The following LRRC53 variants were observed in gnomAD, a reference collection of about 807,000 sequenced individuals.
LRRC53 encodes leucine rich repeat containing 53.
Under a neutral mutation model 13.6 loss-of-function variants are expected in LRRC53, and 25 were observed. The ratio of observed to expected loss-of-function variants is 1.83; its 90% confidence interval spans 1.34 to 2.56. The LOEUF (loss-of-function observed/expected upper bound fraction) is 2.56, where lower values mean the gene tolerates loss of function less well. LRRC53 is among the 30% of genes most tolerant of loss of function. LRRC53 has a pLI of 0.00. For synonymous variants in LRRC53, 204 were observed against 109.8 expected, an observed-to-expected ratio of 1.86 and a Z score of -5.37; for missense variants, 527 against 275.8, an observed-to-expected ratio of 1.91 and a Z score of -6.45.
intron 1 of LRRC53, among the ~76,000 whole-genome samples, chr1:74,487,393 C>G (rs1428969616): frequency 1.3e-5 from 2 of 152,054 alleles, no homozygotes; most frequent in African/African-American, 2.4e-5. Context: ...AAATAGCCAT[C>G]CGAAGTGTGA....
chr1:74,489,349 AG>A (rs1668929106), intron 1 of LRRC53: 3 of 1,213,976 alleles, frequency 2.5e-6, no homozygotes, highest in Admixed American at 4.7e-5. Context: ...AGTTACTGTG[AG>A]GACCCATAAC....
chr1:74,517,184 G>T (rs1370209590), upstream of LRRC53, among the ~76,000 whole-genome samples: 1 of 151,940 alleles, frequency 6.6e-6, no homozygotes, highest in African/African-American at 2.4e-5. Flanking sequence ...TCTTGTAGGG[G>T]TAACTCTTTA....
chr1:74,514,617 A>G (rs1646321721), upstream of LRRC53, among the ~76,000 whole-genome samples: 1 of 152,178 alleles, frequency 6.6e-6, no homozygotes. Context: ...TGGTCAAAAC[A>G]GGAAACATCT....
chr1:74,494,588 G>T (rs150376986), intron 1 of LRRC53, among the ~76,000 whole-genome samples: 2 of 152,066 alleles, frequency 1.3e-5, no homozygotes, highest in Non-Finnish European at 2.9e-5. Flanking sequence ...GTCTTTTAAA[G>T]CTATTTCTCT....
intron 1 of LRRC53, among the ~76,000 whole-genome samples, chr1:74,509,163 A>C (rs1670055480): frequency 6.6e-6 from 1 of 152,116 alleles, no homozygotes; most frequent in African/African-American, 2.4e-5. Flanking sequence ...TTTACCCATA[A>C]ATTTCTCACA....
chr1:74,480,587 T>A lies in LRRC53; in HGVS notation c.470A>T (p.His157Leu). 2 of 717,284 alleles carry A rather than the reference T, an allele frequency of 2.8e-6. No individual in the cohort carries two copies. Among genetic ancestry groups the A allele is most frequent in the Non-Finnish European group, 5.2e-6 (2 of 385,080 alleles). 44.4% of individuals were successfully genotyped at this position (717,284 alleles called of 1,614,324 possible). Residue 157 changes from histidine (H) to leucine (L), a missense_variant, in exon 3 of 5, where the codon CAC (histidine) becomes CTC (leucine). Physicochemically the swap from His to Leu is moderately conservative, Grantham distance 99 (BLOSUM62 -3). Coordinates refer to ENST00000294635, the MANE Select transcript of LRRC53 (RefSeq NM_001382280.1). The part of the protein sequence containing the change: ...TDSSFGGTNL[H>L]SLRYLDLSNN... ...GGATAAATCCAGATACCTGAGACTG[T>A]GGAGATTCGTGCCTCCGAAAGAACT...
intron 1 of LRRC53, among the ~76,000 whole-genome samples, chr1:74,486,944 C>T (rs184084437): frequency 6.6e-6 from 1 of 152,000 alleles, no homozygotes; most frequent in Admixed American, 6.6e-5. Context: ...GCAATGAGAT[C>T]TTTGTAACCT....
upstream of LRRC53, among the ~76,000 whole-genome samples, chr1:74,516,401 A>C (rs1019042626): frequency 6.6e-6 from 1 of 152,232 alleles, no homozygotes; most frequent in Non-Finnish European, 1.5e-5. Context: ...AGAATAGTTG[A>C]GTCAGGAAGG....
Position 74,471,570 on chromosome 1 carries a change from C to G in LRRC53, c.2052G>C (p.Glu684Asp), listed in dbSNP as rs2100737934. 1 of 400,578 alleles carries G rather than the reference C, an allele frequency of 2.5e-6. No individual in the cohort carries two copies. Among genetic ancestry groups the G allele is most frequent in the East Asian group, 3.6e-5 (1 of 28,078 alleles). The allele number at this position is 400,578 out of a possible 1,614,324, so 24.8% of individuals were successfully genotyped here. A position where few individuals can be genotyped will look rare whatever the true frequency, so the allele number is the denominator to read the frequency against. The change falls in exon 5 of 5, where the codon GAG (glutamate) becomes GAC (aspartate). Residue 684 changes from glutamate (E) to aspartate (D), a missense_variant. Glu to Asp is a conservative substitution (Grantham distance 45). Coordinates refer to ENST00000294635, the MANE Select transcript of LRRC53 (RefSeq NM_001382280.1). ...LDVKKFSNTG[E>D]RNKGEKWFTN... ...TAAACCATTTTTCTCCTTTGTTTCT[C>G]TCCCCAGTGTTGCTAAATTTTTTAA...
rs1350480058 is a variant in LRRC53 at position 74,475,480 on chromosome 1, G to T, written c.1235C>A (p.Thr412Asn). 6 of 716,910 alleles carry T rather than the reference G, an allele frequency of 8.4e-6. No homozygotes were observed. 44.4% of individuals were successfully genotyped at this position (716,910 alleles called of 1,614,324 possible). A position where few individuals can be genotyped will look rare whatever the true frequency, so the allele number is the denominator to read the frequency against. ...LKKKDRGVGS[T>N]LFCQDGRLLH... is the part of the protein sequence containing the mutation. ...CAATCTACCATCCTGGCAAAATAAA[G>T]TGCTGCCTACCCCACGGTCTTTCTT... The change falls in exon 4 of 5, where the codon ACT becomes AAT. Residue 412 changes from threonine to asparagine, a missense_variant. Physicochemically the swap from Thr to Asn is moderately conservative, Grantham distance 65. Transcript: ENST00000294635.
chr1:74,511,195 A>T (rs1377237254), intron 1 of LRRC53, among the ~76,000 whole-genome samples: 5 of 144,334 alleles, frequency 3.5e-5, no homozygotes, highest in Middle Eastern at 3.7e-3. Context: ...TGCCCGGCCT[A>T]TTTTTTTTTT....
chr1:74,524,829 T>C, the LRRC53 span, among the ~76,000 whole-genome samples: 1 of 151,856 alleles, frequency 6.6e-6, no homozygotes, highest in East Asian at 1.9e-4. Context: ...TGGTAGGACT[T>C]GGAGATTTAC....
At chr1:74,492,030 A>AG in intron 1 of LRRC53, 3 of 1,382,184 alleles carry the variant, frequency 2.2e-6, no homozygotes, top group Non-Finnish European at 2.8e-6. Flanking sequence ...TTAAATCCAT[A>AG]TTTTATGTTA....
the LRRC53 span, among the ~76,000 whole-genome samples, chr1:74,530,212 A>C: frequency 6.6e-6 from 1 of 152,216 alleles, no homozygotes; most frequent in Non-Finnish European, 1.5e-5. Flanking sequence ...TATATAGCAC[A>C]GCTCCTGGCA....
At chr1:74,522,644 G>A in the LRRC53 span, among the ~76,000 whole-genome samples, 2 of 151,136 alleles carry the variant, frequency 1.3e-5, no homozygotes, top group African/African-American at 4.9e-5. Flanking sequence ...GTATGTGTGT[G>A]TGTGTGTGAG....
intron 3 of LRRC53, 21 bp downstream of exon 3, chr1:74,480,132 G>A (rs1291344029): frequency 1.4e-6 from 1 of 704,210 alleles, no homozygotes; most frequent in Non-Finnish European, 2.6e-6. Flanking sequence ...AAAGAGGAGG[G>A]CACACTTCTC....
At chr1:74,495,195 T>G (rs901171725) in intron 1 of LRRC53, among the ~76,000 whole-genome samples, 1 of 152,210 alleles carries the variant, frequency 6.6e-6, no homozygotes, top group African/African-American at 2.4e-5. Context: ...CTTAACAGCA[T>G]GGCATTTCCC....
the LRRC53 span, among the ~76,000 whole-genome samples, chr1:74,518,874 C>CTT: frequency 1.0e-4 from 3 of 29,050 alleles, no homozygotes; most frequent in African/African-American, 1.7e-4. Context: ...TTTTTTTCCC[C>CTT]TTTTTTTTTT....
chr1:74,485,994 A>G (rs1371560656), intron 1 of LRRC53, among the ~76,000 whole-genome samples: 2 of 152,180 alleles, frequency 1.3e-5, no homozygotes, highest in Non-Finnish European at 2.9e-5. Flanking sequence ...CGGCTAATCT[A>G]TACTGGACTC....
Sources: gnomAD v4.1 joint callset for allele counts (sites outside exome capture counted in the v4.1 genomes callset) on GRCh38, gnomAD v4.1.1 for gene constraint, MANE v1.5 for transcripts, NCBI Gene and HGNC (gene_info 2026-07-23, HGNC 2026-07-21) for gene names.